Variants in NKAIN2 observed in about 807,000 individuals in gnomAD.
The protein encoded by NKAIN2 is sodium/potassium transporting ATPase interacting 2.
Under a neutral mutation model 32.6 loss-of-function variants are expected in NKAIN2, and 14 were observed. The observed-to-expected ratio is 0.43, with a 90% CI of 0.28 to 0.67. The LOEUF (loss-of-function observed/expected upper bound fraction) is 0.67. NKAIN2 is among the 30% of genes least tolerant of loss of function. The pLI is 0.17. For synonymous variants in NKAIN2, 80 were observed against 87.2 expected (o/e 0.92, Z 0.46); for missense variants, 198 against 258.3 (o/e 0.77, Z 1.60).
At chr6:124,507,868 A>G (rs1044093943) in intron 3 of NKAIN2, among the ~76,000 whole-genome samples, 71 of 152,282 alleles carry the variant, frequency 4.7e-4, no homozygotes, top group African/African-American at 1.7e-3. Flanking sequence ...CAAGGGCTCC[A>G]CTCTTAAAGA....
intron 3 of NKAIN2, among the ~76,000 whole-genome samples, chr6:124,392,383 T>C (rs1476358859): frequency 6.6e-6 from 1 of 152,174 alleles, no homozygotes. Context: ...GTTTTTCACT[T>C]CCTCCATTAC....
chr6:124,683,386 C>T (rs1773714093), intron 4 of NKAIN2, among the ~76,000 whole-genome samples: 1 of 152,098 alleles, frequency 6.6e-6, no homozygotes, highest in Non-Finnish European at 1.5e-5. Context: ...AAATGATCTC[C>T]TTGGCCAGAC....
intron 3 of NKAIN2, among the ~76,000 whole-genome samples, chr6:124,558,421 C>T (rs182567345): frequency 6.6e-6 from 1 of 151,968 alleles, no homozygotes; most frequent in Non-Finnish European, 1.5e-5. Context: ...TTTTTTTCAT[C>T]GTTGTTTTCC....
intron 1 of NKAIN2, among the ~76,000 whole-genome samples, chr6:124,094,583 G>A (rs1582631491): frequency 6.6e-6 from 1 of 152,108 alleles, no homozygotes; most frequent in African/African-American, 2.4e-5. Context: ...TAGAATTTCA[G>A]CTTTAATTGG....
intron 3 of NKAIN2, among the ~76,000 whole-genome samples, chr6:124,544,622 G>C (rs7747026): frequency 0.2 from 30,565 of 151,634 alleles, 3,574 homozygotes; most frequent in African/African-American, 0.32. Flanking sequence ...TAGGGGCAAG[G>C]AATGTTTCCC....
chr6:124,225,945 G>A (rs529915373), intron 1 of NKAIN2, among the ~76,000 whole-genome samples: 43 of 151,994 alleles, frequency 2.8e-4, no homozygotes, highest in African/African-American at 9.9e-4. Context: ...TTTTGCAAAG[G>A]CCATTTATTA....
chr6:124,113,216 C>A (rs144408996), intron 1 of NKAIN2, among the ~76,000 whole-genome samples: 49 of 152,184 alleles, frequency 3.2e-4, no homozygotes, highest in African/African-American at 1.1e-3. Flanking sequence ...CAACTCTTTT[C>A]CTCCCACAGG....
intron 1 of NKAIN2, among the ~76,000 whole-genome samples, chr6:124,148,711 C>A (rs1284872998): frequency 6.6e-6 from 1 of 152,078 alleles, no homozygotes. Flanking sequence ...TTTGTTTTTG[C>A]ATTCATCAGT....
chr6:124,004,505 T>C (rs1453701065), intron 1 of NKAIN2, among the ~76,000 whole-genome samples: 1 of 152,054 alleles, frequency 6.6e-6, no homozygotes, highest in Non-Finnish European at 1.5e-5. Flanking sequence ...ACCGATCAAC[T>C]GCTTTGTTTC....
intron 2 of NKAIN2, among the ~76,000 whole-genome samples, chr6:124,331,115 A>G (rs946673929): frequency 3.0e-4 from 46 of 152,156 alleles, no homozygotes; most frequent in Non-Finnish European, 2.9e-5. Context: ...TTTCAAGTAC[A>G]TATTTGGCAC....
intron 4 of NKAIN2, among the ~76,000 whole-genome samples, chr6:124,781,582 T>A (rs1313371558): frequency 6.6e-6 from 1 of 152,156 alleles, no homozygotes; most frequent in Non-Finnish European, 1.5e-5. Flanking sequence ...AGGTTATATA[T>A]TCCCAAACGG....
intron 2 of NKAIN2, among the ~76,000 whole-genome samples, chr6:124,353,079 G>T (rs749132232): frequency 2.0e-5 from 3 of 151,990 alleles, no homozygotes; most frequent in Non-Finnish European, 4.4e-5. Context: ...ATAAAAACCG[G>T]GTCTGAGAGG....
chr6:123,855,357 A>G (rs1347978372), intron 1 of NKAIN2, among the ~76,000 whole-genome samples: 1 of 152,236 alleles, frequency 6.6e-6, no homozygotes, highest in Non-Finnish European at 1.5e-5. Context: ...ACATAAAAAA[A>G]TACTGTCAAT....
At chr6:124,348,121 T>C (rs1212680324) in intron 2 of NKAIN2, among the ~76,000 whole-genome samples, 1 of 152,188 alleles carries the variant, frequency 6.6e-6, no homozygotes, top group African/African-American at 2.4e-5. Context: ...GTTTGCATAG[T>C]TAGCAGCAGC....
At chr6:124,104,182 C>T (rs1166286664) in intron 1 of NKAIN2, among the ~76,000 whole-genome samples, 2 of 152,160 alleles carry the variant, frequency 1.3e-5, no homozygotes, top group Non-Finnish European at 2.9e-5. Flanking sequence ...CCAGACATAG[C>T]AATATGAAAC....
At position 124,784,990 on chromosome 6, in the gene NKAIN2, G is replaced by A. The variant is rs571524722; in HGVS notation, c.475-6349G>A. On this transcript the variant is annotated intron_variant, in intron 4 of 6. Coordinates refer to ENST00000368417, the MANE Select transcript of NKAIN2 (RefSeq NM_001040214.3). ...AGTTTGTGTCCTTTGCCAAATTTCCGAAGTTTTCAGTCATTATTTCTTTGA... is the reference window on the plus strand; with the variant it reads ...AGTTTGTGTCCTTTGCCAAATTTCCAAAGTTTTCAGTCATTATTTCTTTGA... Among the ~76,000 whole-genome samples the A allele has an allele frequency of 5.3e-5, 8 of 152,160 alleles. No homozygotes were observed. The East Asian group carries it at 5.8e-4, about 11-fold the overall frequency.
At chr6:124,342,144 G>A (rs1261705051) in intron 2 of NKAIN2, among the ~76,000 whole-genome samples, 2 of 152,072 alleles carry the variant, frequency 1.3e-5, no homozygotes, top group African/African-American at 2.4e-5. Context: ...GCTCACGCCT[G>A]TAATCCCAGC....
At chr6:124,121,025 G>T (rs1386161167) in intron 1 of NKAIN2, among the ~76,000 whole-genome samples, 1 of 152,102 alleles carries the variant, frequency 6.6e-6, no homozygotes, top group East Asian at 1.9e-4. Context: ...TATATTTAAG[G>T]ACAGTGAAGG....
chr6:124,660,847 A>C (rs933140923), intron 4 of NKAIN2, among the ~76,000 whole-genome samples: 6 of 152,218 alleles, frequency 3.9e-5, no homozygotes, highest in Middle Eastern at 3.2e-3. Context: ...TTTGAACTCG[A>C]GTTTTATAAT....
Sources: allele counts gnomAD v4.1 joint callset (sites outside exome capture counted in the v4.1 genomes callset), GRCh38; gene constraint gnomAD v4.1.1; transcripts MANE v1.5; gene names NCBI Gene and HGNC (gene_info 2026-07-23, HGNC 2026-07-21).